Variants in PPP1R1C observed in about 807,000 individuals in gnomAD.
PPP1R1C encodes protein phosphatase 1 regulatory subunit 1C.
A neutral mutation model predicts 17.4 loss-of-function variants in PPP1R1C; 15 were observed. The ratio of observed to expected loss-of-function variants is 0.86; its 90% CI spans 0.58 to 1.33. The LOEUF (loss-of-function observed/expected upper bound fraction) is 1.33, where lower values mean the gene tolerates loss of function less well. Among genes scored for constraint, PPP1R1C ranks in the 40% most tolerant of loss-of-function variants. The pLI is 0.00. For synonymous variants in PPP1R1C, 35 were observed against 43.1 expected, an observed-to-expected ratio of 0.81 and a Z score of 0.73; for missense variants, 143 against 130.0, an observed-to-expected ratio of 1.10 and a Z score of -0.48.
intron 2 of PPP1R1C, among the ~76,000 whole-genome samples, chr2:182,032,472 G>A (rs1290230242): frequency 6.6e-6 from 1 of 152,002 alleles, no homozygotes; most frequent in Admixed American, 6.6e-5. Flanking sequence ...CATTACTAAG[G>A]GGAAAAGATC....
intron 2 of PPP1R1C, among the ~76,000 whole-genome samples, chr2:181,999,081 C>A (rs1040508883): frequency 6.6e-6 from 1 of 152,156 alleles, no homozygotes; most frequent in East Asian, 1.9e-4. Context: ...CATTCTAGAT[C>A]TACAGTACGC....
intron 4 of PPP1R1C, among the ~76,000 whole-genome samples, chr2:182,084,170 C>G (rs918567332): frequency 6.6e-6 from 1 of 151,444 alleles, no homozygotes. Context: ...GTTACTAGTC[C>G]TTTGTTGGAA....
intron 4 of PPP1R1C, among the ~76,000 whole-genome samples, chr2:182,076,016 G>A (rs898445969): frequency 6.6e-6 from 1 of 151,528 alleles, no homozygotes; most frequent in Non-Finnish European, 1.5e-5. Context: ...TTTAGTATAT[G>A]CTTATAATGT....
chr2:182,050,576 C>T (rs1286436585), intron 2 of PPP1R1C, among the ~76,000 whole-genome samples: 1 of 152,148 alleles, frequency 6.6e-6, no homozygotes, highest in Non-Finnish European at 1.5e-5. Flanking sequence ...AGATGCCAGC[C>T]TTACCTGGTT....
intron 2 of PPP1R1C, among the ~76,000 whole-genome samples, chr2:182,029,359 C>G (rs945333834): frequency 6.4e-4 from 98 of 152,000 alleles, no homozygotes; most frequent in African/African-American, 2.0e-3. Flanking sequence ...ACCGGTTGTT[C>G]CTTTCCATGT....
intron 2 of PPP1R1C, among the ~76,000 whole-genome samples, chr2:182,027,805 C>A (rs1269516833): frequency 1.3e-5 from 2 of 148,152 alleles, no homozygotes; most frequent in Non-Finnish European, 3.0e-5. Context: ...CCTCCTTGTA[C>A]CTCTGGTAGA....
At chr2:181,956,378 T>C (rs1684670075) in intron 1 of PPP1R1C, among the ~76,000 whole-genome samples, 1 of 152,222 alleles carries the variant, frequency 6.6e-6, no homozygotes, top group Non-Finnish European at 1.5e-5. Context: ...TGTGTCTTTA[T>C]AGTAGAATGA....
chr2:181,997,040 T>C (rs1685631878), intron 2 of PPP1R1C, among the ~76,000 whole-genome samples: 1 of 151,682 alleles, frequency 6.6e-6, no homozygotes, highest in Non-Finnish European at 1.5e-5. Context: ...CCATCCTGGC[T>C]AACATGGTGA....
intron 2 of PPP1R1C, among the ~76,000 whole-genome samples, chr2:182,021,321 CTTTTTTTT>C (rs71008205): frequency 5.6e-5 from 5 of 89,644 alleles, no homozygotes; most frequent in East Asian, 3.3e-4. Flanking sequence ...CTCTCTCTCT[CTTTTTTTT>C]TTTTTTTTTT....
At chr2:182,056,814 A>G (rs1043236543) in intron 2 of PPP1R1C, among the ~76,000 whole-genome samples, 28 of 152,176 alleles carry the variant, frequency 1.8e-4, no homozygotes, top group Non-Finnish European at 3.2e-4. Flanking sequence ...TACTTGAAAT[A>G]GATATCTTCT....
At chr2:181,955,368 G>A (rs1684653152) in intron 1 of PPP1R1C, among the ~76,000 whole-genome samples, 1 of 152,184 alleles carries the variant, frequency 6.6e-6, no homozygotes, top group Non-Finnish European at 1.5e-5. Context: ...TTACTTAAGG[G>A]AGACCAGCAC....
intron 4 of PPP1R1C, among the ~76,000 whole-genome samples, chr2:182,068,296 G>A (rs1445660391): frequency 6.6e-6 from 1 of 152,124 alleles, no homozygotes; most frequent in East Asian, 1.9e-4. Flanking sequence ...ACAATATGTG[G>A]AACTATTTTG....
chr2:182,054,949 C>T (rs1172459311), intron 2 of PPP1R1C, among the ~76,000 whole-genome samples: 1 of 152,206 alleles, frequency 6.6e-6, no homozygotes, highest in African/African-American at 2.4e-5. Flanking sequence ...GCATGAGCCA[C>T]CACACCTGGC....
intron 2 of PPP1R1C, among the ~76,000 whole-genome samples, chr2:182,052,995 A>G (rs1687571062): frequency 6.6e-6 from 1 of 152,256 alleles, no homozygotes; most frequent in African/African-American, 2.4e-5. Context: ...GGTACTCACC[A>G]AATATTCAGA....
intron 2 of PPP1R1C, among the ~76,000 whole-genome samples, chr2:182,030,715 C>G (rs1382218585): frequency 1.3e-5 from 2 of 150,032 alleles, no homozygotes; most frequent in South Asian, 2.2e-4. Context: ...GGCAGGCAGG[C>G]CTCCTTGAGC....
rs191769643 is a variant in PPP1R1C at position 181,962,067 on chromosome 2, C to T, written n.111+7433C>T. On this transcript the variant is annotated intron_variant and non_coding_transcript_variant, in intron 1 of 5. Coordinates refer to the PPP1R1C transcript ENST00000464264. This position sits in a 1 kb window ranked among gnomAD's most constrained non-coding sequence, Gnocchi z 6.0. ...TCCACAGTATTTGCGAAGATCTGAA[C>T]CCTCAGGTCCTCGATGGTCTTGAGG... is the stretch of plus-strand genomic sequence containing the variant. 3 of 722,770 alleles carry T rather than the reference C, an allele frequency of 4.2e-6. No homozygotes were observed. The highest frequency in any genetic ancestry group is 1.7e-5 in the Admixed American group (1 of 57,262). The allele number at this position is 722,770 out of a possible 1,614,324, so 44.8% of individuals were successfully genotyped here.
intron 2 of PPP1R1C, among the ~76,000 whole-genome samples, chr2:182,060,509 A>G (rs147492354): frequency 4.1e-4 from 62 of 152,264 alleles, no homozygotes; most frequent in Middle Eastern, 3.4e-3. Context: ...ACTACAGTTA[A>G]CATATTGGTA....
intron 4 of PPP1R1C, among the ~76,000 whole-genome samples, chr2:182,094,390 G>A (rs542066100): frequency 6.6e-6 from 1 of 152,332 alleles, no homozygotes; most frequent in East Asian, 1.9e-4. Context: ...ATATCAGAGA[G>A]ATTTCAAATA....
intron 4 of PPP1R1C, among the ~76,000 whole-genome samples, chr2:182,079,120 AG>A (rs1688399434): frequency 6.6e-6 from 1 of 152,230 alleles, no homozygotes; most frequent in Non-Finnish European, 1.5e-5. Flanking sequence ...CCATTAAATC[AG>A]GCTATAAAAG....
Sources: allele counts gnomAD v4.1 joint callset (sites outside exome capture counted in the v4.1 genomes callset), GRCh38; gene constraint gnomAD v4.1.1; non-coding constraint Gnocchi (gnomAD v3.1); transcripts MANE v1.5; gene names NCBI Gene and HGNC (gene_info 2026-07-23, HGNC 2026-07-21).